Variants in DCTN4 observed in about 807,000 individuals in gnomAD.
The protein encoded by DCTN4 is dynactin subunit 4, also known as dynactin 4 (p62).
In DCTN4, 23 loss-of-function variants were observed where a neutral mutation model predicts 62.7. The observed-to-expected ratio is 0.37, with a 90% CI of 0.26 to 0.52. The LOEUF is 0.52. Among genes scored for constraint, DCTN4 ranks in the 20% least tolerant of loss-of-function variants. The pLI is 0.92. For synonymous variants in DCTN4, 199 were observed against 202.1 expected (o/e 0.98, Z 0.13); for missense variants, 514 against 580.4 (o/e 0.89, Z 1.18).
intron 3 of DCTN4, among the ~76,000 whole-genome samples, chr5:150,752,740 C>T (rs938139440): frequency 2.0e-5 from 3 of 152,106 alleles, no homozygotes; most frequent in Non-Finnish European, 4.4e-5. Context: ...CTGCTCATAT[C>T]CTTTGCCTGT....
intron 11 of DCTN4, 97 bp downstream of exon 11, chr5:150,718,179 T>C: frequency 1.4e-6 from 1 of 717,164 alleles, no homozygotes; most frequent in South Asian, 2.0e-5. Flanking sequence ...GCTGACTAGA[T>C]GTGGAAAGGA....
chr5:150,709,140 A>G lies in DCTN4; in HGVS notation c.*2009T>C, dbSNP rs1759473998. On this transcript the variant is annotated 3_prime_UTR_variant, in exon 13 of 13. Coordinates refer to ENST00000447998, the MANE Select transcript of DCTN4 (RefSeq NM_016221.4). ...TGAATCATTTCTACGAACACACAGA[A>G]TACTAGCTTACACTAAAACCTATCT... 6.5e-6 allele frequency: 1 copy of G among 152,830 alleles called. No individual in the cohort carries two copies. Among genetic ancestry groups the G allele is most frequent in the Admixed American group, 6.5e-5 (1 of 15,284 alleles). 9.5% of individuals were successfully genotyped at this position (152,830 alleles called of 1,614,324 possible).
intron 6 of DCTN4, 101 bp from the exon 7 acceptor site, chr5:150,731,257 C>G (rs1760354223): frequency 1.0e-6 from 1 of 988,670 alleles, no homozygotes; most frequent in Admixed American, 2.0e-5. Flanking sequence ...TGAAGTATTC[C>G]TCTGTCATAG....
chr5:150,747,139 C>G (rs983783561), intron 3 of DCTN4, among the ~76,000 whole-genome samples: 16 of 152,216 alleles, frequency 1.1e-4, no homozygotes, highest in African/African-American at 3.4e-4. Context: ...TTCTTATACA[C>G]CAATAACAGA....
At chr5:150,723,154 C>T (rs951642747) in intron 8 of DCTN4, among the ~76,000 whole-genome samples, 174 bp from the exon 9 acceptor site, 1 of 152,146 alleles carries the variant, frequency 6.6e-6, no homozygotes, top group African/African-American at 2.4e-5. Flanking sequence ...AAAAGATGTT[C>T]GCACTTCCTG....
chr5:150,745,666 C>A (rs1212445858), intron 3 of DCTN4, among the ~76,000 whole-genome samples: 4 of 152,098 alleles, frequency 2.6e-5, no homozygotes, highest in African/African-American at 9.7e-5. Flanking sequence ...TACATGGAAA[C>A]TGAACAACCT....
rs771817926 is a variant in DCTN4, at chr5:150,753,540, G to A, written c.324C>T (p.Tyr108=). The A allele has an allele frequency of 2.1e-5, 34 of 1,614,050 alleles. No homozygotes were observed. Among genetic ancestry groups the A allele is most frequent in the Non-Finnish European group, 2.4e-5 (28 of 1,180,032 alleles). Residue 108 remains tyrosine (Y), a synonymous_variant, in exon 3 of 13, where the codon TAC becomes TAT. Coordinates refer to ENST00000447998, the MANE Select transcript of DCTN4 (RefSeq NM_016221.4). ...PAKTTMKKAY[Y]LACGFCRWTS... is the part of the protein sequence containing the mutation. Reference sequence around the variant, plus strand: ...TCCAGCGACAAAATCCACATGCCAGGTAATAGGCTTTCTTCATGGTGGTCT... The same window carrying A: ...TCCAGCGACAAAATCCACATGCCAGATAATAGGCTTTCTTCATGGTGGTCT...
At chr5:150,711,441 C>T in intron 12 of DCTN4, 79 bp from the exon 13 acceptor site, 2 of 1,106,358 alleles carry the variant, frequency 1.8e-6, no homozygotes, top group Non-Finnish European at 2.7e-6. Context: ...AAAAGTCTTT[C>T]ACCTTATTCT....
intron 3 of DCTN4, among the ~76,000 whole-genome samples, chr5:150,750,319 C>T (rs1752628410): frequency 6.6e-6 from 1 of 151,970 alleles, no homozygotes; most frequent in African/African-American, 2.4e-5. Flanking sequence ...TTTTAGAGTC[C>T]AAAAGTACTA....
chr5:150,732,029 A>C, intron 5 of DCTN4: 1 of 839,810 alleles, frequency 1.2e-6, no homozygotes. Flanking sequence ...ATTTAATTCA[A>C]ATTCTACCTC....
intron 12 of DCTN4, among the ~76,000 whole-genome samples, chr5:150,714,425 C>A (rs1759682525): frequency 6.6e-6 from 1 of 151,818 alleles, no homozygotes; most frequent in African/African-American, 2.4e-5. Context: ...GTTGCCCAGG[C>A]TGGAGTACAG....
At chr5:150,711,788 G>C (rs1384716303) in intron 12 of DCTN4, among the ~76,000 whole-genome samples, 3 of 152,108 alleles carry the variant, frequency 2.0e-5, no homozygotes, top group Non-Finnish European at 4.4e-5. Context: ...CAAAAGTGCT[G>C]GGATTACGGG....
rs1321237243 is a variant in DCTN4, at chr5:150,719,699, A to T, written c.963+17T>A. On this transcript the variant is annotated intron_variant, in intron 10 of 12. Coordinates refer to ENST00000447998, the MANE Select transcript of DCTN4 (RefSeq NM_016221.4). ...TGATCAATCCTTTTTCTTCCTGTTA[A>T]TGAGCAAGGTACTAACCTTCATGTA... is the stretch of plus-strand genomic sequence containing the variant. 1.3e-6 allele frequency: 2 copies of T among 1,584,522 alleles called. No individual in the cohort carries two copies. Among genetic ancestry groups the T allele is most frequent in the African/African-American group, 2.7e-5 (2 of 74,236 alleles).
At chr5:150,728,284 T>C (rs1274226350) in intron 8 of DCTN4, among the ~76,000 whole-genome samples, 1 of 152,198 alleles carries the variant, frequency 6.6e-6, no homozygotes, top group East Asian at 1.9e-4. Context: ...TTTCATCTTC[T>C]GAAAAATGTT....
intron 9 of DCTN4, among the ~76,000 whole-genome samples, chr5:150,721,578 C>T (rs1759955336): frequency 6.6e-6 from 1 of 152,172 alleles, no homozygotes; most frequent in Non-Finnish European, 1.5e-5. Context: ...TAAAACTTTT[C>T]CTATCAAATC....
chr5:150,757,241 TG>T (rs1752895564), intron 1 of DCTN4, among the ~76,000 whole-genome samples: 1 of 152,212 alleles, frequency 6.6e-6, no homozygotes, highest in Non-Finnish European at 1.5e-5. Context: ...TTAATAAAGT[TG>T]TTGCTCAAAT....
intron 12 of DCTN4, 21 bp downstream of exon 12, chr5:150,715,544 G>T: frequency 6.3e-7 from 1 of 1,599,644 alleles, no homozygotes. Context: ...GTTGTATGGG[G>T]ATCACAAAAA....
rs927238149 is a variant in DCTN4 at position 150,757,441 on chromosome 5, C to A, written c.136-954G>T. The stretch of plus-strand genomic sequence containing the variant: ...CCCAGCCCTCAGAGCTTCATCTTTC[C>A]CTAAACTCTAATGGCCTCCATATCA... On this transcript the variant is annotated intron_variant, in intron 1 of 12. Transcript: ENST00000447998. Among the ~76,000 whole-genome samples the A allele has an allele frequency of 2.6e-5, 4 of 152,110 alleles. No individual in the cohort carries two copies. The South Asian group carries it at 6.2e-4, about 24-fold the overall frequency.
In DCTN4 at chr5:150,753,666, T is replaced by C. The variant is rs757254859; in HGVS notation, c.207-9A>G. 3.7e-6 allele frequency: 6 copies of C among 1,606,438 alleles called. No individual in the cohort carries two copies. The South Asian group carries it at 5.5e-5, about 15-fold the overall frequency. The stretch of plus-strand genomic sequence containing the variant: ...CAAAACAATTGGCACATCTGTGACA[T>C]GACAAACACAACCATTCATTCAACA... On this transcript the variant is annotated splice_polypyrimidine_tract_variant and intron_variant, in intron 2 of 12. Transcript: ENST00000447998.
Sources: gnomAD v4.1 joint callset for allele counts (sites outside exome capture counted in the v4.1 genomes callset) on GRCh38, gnomAD v4.1.1 for gene constraint, MANE v1.5 for transcripts, NCBI Gene and HGNC (gene_info 2026-07-23, HGNC 2026-07-21) for gene names.